Variants in PPFIA2 observed in about 807,000 individuals in gnomAD.
PPFIA2 encodes the protein PPFI scaffold protein A2, also known as liprin-alpha-2.
PPFIA2 carries 46 observed loss-of-function variants against 175.5 expected under a neutral mutation model. The observed-to-expected ratio is 0.26, with a 90% CI of 0.21 to 0.34. PPFIA2 has a LOEUF of 0.34. Among genes scored for constraint, PPFIA2 ranks in the 10% least tolerant of loss-of-function variants. The pLI is 1.00. For missense variants in PPFIA2, 1,179 were observed against 1,506.1 expected (o/e 0.78, Z 3.60); for synonymous variants, 568 against 511.4 (o/e 1.11, Z -1.49).
intron 4 of PPFIA2, among the ~76,000 whole-genome samples, chr12:81,654,342 T>C (rs2067465666): frequency 6.6e-6 from 1 of 151,950 alleles, no homozygotes; most frequent in South Asian, 2.1e-4. Flanking sequence ...CAAAACATAA[T>C]TGTAAGTAAA....
chr12:81,565,676 T>G (rs1380431783), intron 4 of PPFIA2, among the ~76,000 whole-genome samples: 1 of 152,136 alleles, frequency 6.6e-6, no homozygotes, highest in Admixed American at 6.6e-5. Flanking sequence ...ATAGACCAAC[T>G]CCTAAACACA....
At chr12:81,462,674 T>TAGTTTCTTCAA (rs1377347855) in intron 4 of PPFIA2, among the ~76,000 whole-genome samples, 1 of 149,578 alleles carries the variant, frequency 6.7e-6, no homozygotes, top group East Asian at 2.0e-4. Context: ...CTGATCCTGG[T>TAGTTTCTTCAA]AGTTTCTTCA....
intron 4 of PPFIA2, among the ~76,000 whole-genome samples, chr12:81,549,512 T>C (rs1846922636): frequency 6.6e-6 from 1 of 151,966 alleles, no homozygotes; most frequent in South Asian, 2.1e-4. Flanking sequence ...TCATGGCCTA[T>C]GGGAAGTCTA....
intron 4 of PPFIA2, among the ~76,000 whole-genome samples, chr12:81,484,593 T>C (rs2058615461): frequency 6.6e-6 from 1 of 152,038 alleles, no homozygotes; most frequent in Admixed American, 6.6e-5. Flanking sequence ...ATAATAGCAC[T>C]ATTCATTAGA....
In PPFIA2 at chr12:81,622,793, C is replaced by CCCT. The variant is rs141628158; in HGVS notation, c.303+53995_303+53997dup. On this transcript the variant is annotated intron_variant, in intron 4 of 32. Coordinates refer to ENST00000549396, the MANE Select transcript of PPFIA2 (RefSeq NM_003625.5). ...TTTATGTTCCTCCTTCTGCCCCTAC[C>CCCT]CCTCAGATTAAATATTGGTTGAAAT... Among the ~76,000 whole-genome samples, 24 of 152,174 alleles carry CCCT rather than the reference C, an allele frequency of 1.6e-4. No individual in the cohort carries two copies. The East Asian group carries it at 4.3e-3, about 27-fold the overall frequency.
chr12:81,582,959 C>A (rs961807108), intron 4 of PPFIA2, among the ~76,000 whole-genome samples: 2 of 151,892 alleles, frequency 1.3e-5, no homozygotes, highest in African/African-American at 4.8e-5. Context: ...ATAAAAATAT[C>A]ACTTCCTATG....
chr12:81,526,765 G>A (rs891400380), intron 4 of PPFIA2, among the ~76,000 whole-genome samples: 7 of 152,014 alleles, frequency 4.6e-5, no homozygotes, highest in Admixed American at 3.9e-4. Context: ...TAACATTTTT[G>A]CTTAGTATTT....
intron 22 of PPFIA2, among the ~76,000 whole-genome samples, chr12:81,315,828 T>G (rs908963300): frequency 6.6e-6 from 1 of 151,742 alleles, no homozygotes; most frequent in African/African-American, 2.4e-5. Context: ...ATGTTTCTAG[T>G]GATTCTTACA....
chr12:81,442,094 T>A (rs2050280601), intron 6 of PPFIA2, among the ~76,000 whole-genome samples: 1 of 152,120 alleles, frequency 6.6e-6, no homozygotes, highest in South Asian at 2.1e-4. Context: ...AGCATTTATA[T>A]TTTCATTATA....
chr12:81,632,137 T>G (rs890825829), intron 4 of PPFIA2, among the ~76,000 whole-genome samples: 6 of 152,014 alleles, frequency 3.9e-5, no homozygotes, highest in African/African-American at 7.2e-5. Flanking sequence ...AATGCAGAAG[T>G]GAGAACTTGG....
intron 4 of PPFIA2, among the ~76,000 whole-genome samples, chr12:81,489,967 T>C (rs1028697896): frequency 6.6e-6 from 1 of 151,894 alleles, no homozygotes; most frequent in Non-Finnish European, 1.5e-5. Flanking sequence ...ATCTATCTAT[T>C]TTTCTATCTC....
chr12:81,581,277 A>C (rs902477897), intron 4 of PPFIA2, among the ~76,000 whole-genome samples: 1 of 151,692 alleles, frequency 6.6e-6, no homozygotes, highest in Admixed American at 6.6e-5. Context: ...AGACCAGCAG[A>C]TCACAGCATA....
At chr12:81,392,279 G>C (rs1247820017) in intron 8 of PPFIA2, among the ~76,000 whole-genome samples, 1 of 151,774 alleles carries the variant, frequency 6.6e-6, no homozygotes, top group Non-Finnish European at 1.5e-5. Flanking sequence ...GCTATTTTTT[G>C]AGAAGAGAAA....
intron 4 of PPFIA2, among the ~76,000 whole-genome samples, chr12:81,493,730 TTGTGTGTGTG>T (rs3075419): frequency 8.2e-6 from 1 of 122,328 alleles, no homozygotes; most frequent in Non-Finnish European, 1.7e-5. Context: ...GAGTGTGTGT[TTGTGTGTGTG>T]TGTGTGTGTG....
chr12:81,567,312 G>A lies in PPFIA2; in HGVS notation c.304-109446C>T, dbSNP rs542636544. ...GATCCACCTGCCTCGGCTTCCCAAA[G>A]TGCTGGGATTACAGGCGTGATCCAC... is the stretch of plus-strand genomic sequence containing the variant. On this transcript the variant is annotated intron_variant, in intron 4 of 32. Transcript: ENST00000549396. 2.6e-5 allele frequency among the ~76,000 whole-genome samples: 4 copies of A among 152,320 alleles called. No homozygotes were observed. The South Asian group carries it at 8.3e-4, about 32-fold the overall frequency.
chr12:81,397,698 G>A (rs898147933), intron 8 of PPFIA2, among the ~76,000 whole-genome samples: 2 of 152,002 alleles, frequency 1.3e-5, no homozygotes, highest in African/African-American at 4.8e-5. Context: ...GGGTGCCCAC[G>A]TTCCAAGCCA....
intron 8 of PPFIA2, among the ~76,000 whole-genome samples, chr12:81,397,414 A>G (rs1490761163): frequency 6.6e-6 from 1 of 152,058 alleles, no homozygotes; most frequent in Non-Finnish European, 1.5e-5. Flanking sequence ...AAAACAATGT[A>G]GTTTCCTGTA....
chr12:81,705,003 G>A (rs1410216824), intron 3 of PPFIA2, among the ~76,000 whole-genome samples: 1 of 134,462 alleles, frequency 7.4e-6, no homozygotes, highest in African/African-American at 2.7e-5. Flanking sequence ...AGAGTCATTT[G>A]AACCTGGGAG....
At chr12:81,332,629 C>T (rs1020755312) in intron 21 of PPFIA2, among the ~76,000 whole-genome samples, 1 of 152,094 alleles carries the variant, frequency 6.6e-6, no homozygotes, top group Admixed American at 6.6e-5. Flanking sequence ...TATGGGATAT[C>T]CTCAAGATGT....
Sources: gnomAD v4.1 joint callset for allele counts (sites outside exome capture counted in the v4.1 genomes callset) on GRCh38, gnomAD v4.1.1 for gene constraint, MANE v1.5 for transcripts, NCBI Gene and HGNC (gene_info 2026-07-23, HGNC 2026-07-21) for gene names.